Variants in HS3ST4 observed in about 807,000 individuals in gnomAD.
HS3ST4 encodes heparan sulfate-glucosamine 3-sulfotransferase 4.
In HS3ST4, 17 loss-of-function variants were observed where a neutral mutation model predicts 29.2. The observed-to-expected ratio is 0.58, with a 90% CI of 0.40 to 0.87. HS3ST4 has a LOEUF of 0.87. Among genes scored for constraint, HS3ST4 ranks in the 40% least tolerant of loss-of-function variants. HS3ST4 has a pLI of 0.00. For missense variants in HS3ST4, 627 were observed against 634.5 expected (o/e 0.99, Z 0.13); for synonymous variants, 314 against 285.7 (o/e 1.10, Z -1.00).
At chr16:25,973,956 A>G (rs956377086) in intron 1 of HS3ST4, among the ~76,000 whole-genome samples, 1 of 152,220 alleles carries the variant, frequency 6.6e-6, no homozygotes, top group African/African-American at 2.4e-5. Context: ...CAAACAAGCT[A>G]TCAGAGTAAA....
chr16:26,040,615 A>G (rs1969629512), intron 1 of HS3ST4, among the ~76,000 whole-genome samples: 1 of 151,580 alleles, frequency 6.6e-6, no homozygotes, highest in East Asian at 2.0e-4. Flanking sequence ...TGCTGTCAGT[A>G]TGTTTCTATG....
At position 26,005,233 on chromosome 16, in the gene HS3ST4, G is replaced by A. The variant is rs1969247193; in HGVS notation, c.735-130379G>A. ...CAGTTTGGGAAATCAATGGAAAAGT[G>A]TAAAAGTGAAATTTTTAAATAATAT... On this transcript the variant is annotated intron_variant, in intron 1 of 1. Transcript: ENST00000331351. Among the ~76,000 whole-genome samples the A allele has an allele frequency of 5.9e-5, 9 of 152,312 alleles. No homozygotes were observed. The South Asian group carries it at 1.9e-3, about 32-fold the overall frequency.
intron 1 of HS3ST4, among the ~76,000 whole-genome samples, chr16:25,924,614 A>T (rs1471702104): frequency 6.6e-6 from 1 of 152,224 alleles, no homozygotes; most frequent in Non-Finnish European, 1.5e-5. Context: ...CAAAATTGAA[A>T]TCTTTGCAAT....
chr16:25,982,999 A>G (rs1472449144), intron 1 of HS3ST4, among the ~76,000 whole-genome samples: 4 of 152,240 alleles, frequency 2.6e-5, no homozygotes, highest in African/African-American at 9.6e-5. Flanking sequence ...AAGAGTGAAG[A>G]AAACAGGTAG....
At chr16:25,960,277 T>C (rs1968781903) in intron 1 of HS3ST4, among the ~76,000 whole-genome samples, 1 of 152,208 alleles carries the variant, frequency 6.6e-6, no homozygotes, top group African/African-American at 2.4e-5. Flanking sequence ...GTGGGTACCA[T>C]GCTTGTACAG....
At chr16:26,050,479 G>T (rs1332446093) in intron 1 of HS3ST4, among the ~76,000 whole-genome samples, 3 of 152,164 alleles carry the variant, frequency 2.0e-5, no homozygotes, top group Non-Finnish European at 2.9e-5. Flanking sequence ...ATAATGGCAT[G>T]AATTCATGTT....
At chr16:25,776,218 C>G (rs2141613048) in intron 1 of HS3ST4, among the ~76,000 whole-genome samples, 1 of 152,250 alleles carries the variant, frequency 6.6e-6, no homozygotes, top group Admixed American at 6.5e-5. Flanking sequence ...GTCACACTGG[C>G]TATGACTGTG....
intron 1 of HS3ST4, among the ~76,000 whole-genome samples, chr16:26,093,756 A>C (rs1898887203): frequency 6.6e-6 from 1 of 152,208 alleles, no homozygotes; most frequent in Non-Finnish European, 1.5e-5. Flanking sequence ...CTGGACGGGG[A>C]ATGACTTTGA....
At chr16:25,717,510 G>GGGGTGTGTGT (rs1305361400) in intron 1 of HS3ST4, among the ~76,000 whole-genome samples, 5 of 132,830 alleles carry the variant, frequency 3.8e-5, no homozygotes, top group African/African-American at 1.4e-4. Flanking sequence ...AAGGTGAAGG[G>GGGGTGTGTGT]GTGTGTGTGT....
intron 1 of HS3ST4, among the ~76,000 whole-genome samples, chr16:25,879,942 A>G (rs1967876402): frequency 6.6e-6 from 1 of 152,098 alleles, no homozygotes; most frequent in African/African-American, 2.4e-5. Flanking sequence ...AGATCTTGTG[A>G]GACTTATTCA....
chr16:26,007,969 A>C (rs1969273193), intron 1 of HS3ST4, among the ~76,000 whole-genome samples: 1 of 151,268 alleles, frequency 6.6e-6, no homozygotes, highest in Non-Finnish European at 1.5e-5. Flanking sequence ...ATTCAGGCTC[A>C]TCTGGCATTT....
intron 1 of HS3ST4, among the ~76,000 whole-genome samples, chr16:25,752,722 G>A (rs1966730171): frequency 6.6e-6 from 1 of 152,178 alleles, no homozygotes; most frequent in Non-Finnish European, 1.5e-5. Flanking sequence ...ACACTTAAAT[G>A]TTGTTTATTT....
chr16:25,791,372 G>A (rs1037889141), intron 1 of HS3ST4, among the ~76,000 whole-genome samples: 2 of 151,916 alleles, frequency 1.3e-5, no homozygotes, highest in African/African-American at 4.8e-5. Flanking sequence ...TCTATTCCTG[G>A]CCCTCTGTGT....
chr16:26,007,640 A>G (rs2141737344), intron 1 of HS3ST4, among the ~76,000 whole-genome samples: 1 of 152,334 alleles, frequency 6.6e-6, no homozygotes. Context: ...CAGGCTCACA[A>G]GATGAGGCCA....
chr16:25,724,956 C>T (rs1203712672), intron 1 of HS3ST4, among the ~76,000 whole-genome samples: 2 of 149,756 alleles, frequency 1.3e-5, no homozygotes, highest in Non-Finnish European at 3.0e-5. Flanking sequence ...TTCCTTTTGT[C>T]CCCTGGGGAG....
chr16:26,128,361 A>G (rs1899374214), intron 1 of HS3ST4, among the ~76,000 whole-genome samples: 1 of 152,212 alleles, frequency 6.6e-6, no homozygotes, highest in African/African-American at 2.4e-5. Context: ...TAATGAGGGA[A>G]TATCTTTTAA....
chr16:25,991,323 T>C (rs1219671047), intron 1 of HS3ST4, among the ~76,000 whole-genome samples: 1 of 152,230 alleles, frequency 6.6e-6, no homozygotes, highest in African/African-American at 2.4e-5. Context: ...AAGTTTTATA[T>C]TGGTGCCATT....
At chr16:25,904,887 G>C (rs996041684) in intron 1 of HS3ST4, among the ~76,000 whole-genome samples, 1 of 152,190 alleles carries the variant, frequency 6.6e-6, no homozygotes, top group African/African-American at 2.4e-5. Context: ...CTGGTACAGA[G>C]TCAATGGTCA....
Position 26,120,055 on chromosome 16 carries a change from G to GTGTGTGTGTGTGTA in HS3ST4, c.735-15544_735-15543insATGTGTGTGTGTGT, listed in dbSNP as rs1286011539. ...TATTATGGGAAGAGCTGAAGGAAGT[G>GTGTGTGTGTGTGTA]TGTGTGTGTGTGTGTATGTGTGTGT... is the stretch of plus-strand genomic sequence containing the variant. On this transcript the variant is annotated intron_variant, in intron 1 of 1. Coordinates refer to ENST00000331351, the MANE Select transcript of HS3ST4 (RefSeq NM_006040.3). Among the ~76,000 whole-genome samples the GTGTGTGTGTGTGTA allele has an allele frequency of 4.8e-5, 3 of 62,058 alleles. 1 individual carries two copies. 40.7% of individuals were successfully genotyped at this position (62,058 alleles called of 152,430 possible).
Sources: allele counts gnomAD v4.1 joint callset (sites outside exome capture counted in the v4.1 genomes callset), GRCh38; gene constraint gnomAD v4.1.1; transcripts MANE v1.5; gene names NCBI Gene and HGNC (gene_info 2026-07-23, HGNC 2026-07-21).